The following TENM1 variants were observed in gnomAD, a reference collection of about 807,000 sequenced individuals.
TENM1 encodes teneurin-1.
In TENM1, 35 loss-of-function variants were observed where a neutral mutation model predicts 174.8. The ratio of observed to expected loss-of-function variants is 0.20; its 90% CI spans 0.15 to 0.27. The LOEUF is 0.27. TENM1 is among the 10% of genes least tolerant of loss of function. TENM1 has a pLI of 1.00. For synonymous variants in TENM1, 781 were observed against 798.7 expected (o/e 0.98, Z 0.37); for missense variants, 1,633 against 2,130.1 (o/e 0.77, Z 4.59).
chrX:124,737,530 A>G (rs1377083391), intron 3 of TENM1, among the ~76,000 whole-genome samples: 1 of 112,333 alleles, frequency 8.9e-6, no homozygotes, highest in Non-Finnish European at 1.9e-5. Flanking sequence ...GTTACAGAAC[A>G]GAAGTGAGCT....
the TENM1 span, among the ~76,000 whole-genome samples, chrX:125,010,523 A>T: frequency 9.0e-6 from 1 of 110,603 alleles, no homozygotes; most frequent in African/African-American, 3.3e-5. Context: ...ATTAGAAAAA[A>T]AAAAAAACAG....
intron 12 of TENM1, among the ~76,000 whole-genome samples, chrX:124,564,718 T>G (rs976388050): frequency 4.5e-5 from 5 of 112,275 alleles, no homozygotes; most frequent in Non-Finnish European, 7.5e-5. Context: ...TTTTAATATC[T>G]TTTATAGTGT....
chrX:124,659,603 A>AT (rs766549412), intron 6 of TENM1, among the ~76,000 whole-genome samples: 3,570 of 107,771 alleles, frequency 0.033, 144 homozygotes, highest in African/African-American at 0.11. Flanking sequence ...TCCAACTCTC[A>AT]TTTTTTTTTT....
At chrX:124,638,993 C>T (rs1463794757) in intron 11 of TENM1, among the ~76,000 whole-genome samples, 1 of 111,680 alleles carries the variant, frequency 9.0e-6, no homozygotes, top group Non-Finnish European at 1.9e-5. Flanking sequence ...CCATCATGCT[C>T]CTTGACTACT....
At chrX:124,496,070 T>C (rs2047195009) in intron 20 of TENM1, among the ~76,000 whole-genome samples, 2 of 105,470 alleles carry the variant, frequency 1.9e-5, no homozygotes, top group South Asian at 8.7e-4. Flanking sequence ...ACACCGCATA[T>C]CTACAACTAT....
At chrX:124,596,797 C>A (rs780077250) in intron 11 of TENM1, among the ~76,000 whole-genome samples, 91 of 110,677 alleles carry the variant, frequency 8.2e-4, no homozygotes, top group Non-Finnish European at 1.6e-3. Context: ...ATTGAAAAAC[C>A]CTGAAAGGTA....
intron 23 of TENM1, among the ~76,000 whole-genome samples, 197 bp downstream of exon 26, chrX:124,453,140 C>T (rs2061062963): frequency 8.9e-6 from 1 of 111,903 alleles, no homozygotes; most frequent in South Asian, 3.8e-4. Flanking sequence ...ACATTACTTC[C>T]ATCCTCGCTT....
chrX:125,112,433 A>G, the TENM1 span, among the ~76,000 whole-genome samples: 1 of 111,121 alleles, frequency 9.0e-6, no homozygotes, highest in Admixed American at 9.8e-5. Context: ...ATGTATAACA[A>G]ATAACATGTA....
In TENM1 at chrX:124,880,442, CTAAGTA is replaced by C. The variant is rs761657509; in HGVS notation, c.535+13848_535+13853del. Among the ~76,000 whole-genome samples the C allele has an allele frequency of 3.2e-3, 359 of 112,040 alleles. 1 individual carries two copies. The highest frequency in any genetic ancestry group is 0.011 in the African/African-American group (335 of 30,858). On this transcript the variant is annotated intron_variant, in intron 3 of 31. Transcript: ENST00000422452. ...TTTTTGTTGACGTCTTAAGGATTTT[CTAAGTA>C]TAAGATAATATCATCTGCAAAGACA... is the stretch of plus-strand genomic sequence containing the variant.
At chrX:124,574,985 A>G (rs1351734780) in intron 11 of TENM1, among the ~76,000 whole-genome samples, 1 of 112,228 alleles carries the variant, frequency 8.9e-6, no homozygotes, top group Non-Finnish European at 1.9e-5. Context: ...AGAAAGTAGG[A>G]CTACTATAAG....
the TENM1 span, among the ~76,000 whole-genome samples, chrX:125,182,756 A>G: frequency 3.6e-5 from 4 of 111,253 alleles, no homozygotes; most frequent in African/African-American, 9.8e-5. Context: ...GGCACACTGT[A>G]GAGACTTATA....
chrX:124,912,242 G>A (rs917661073), intron 1 of TENM1, among the ~76,000 whole-genome samples: 1 of 111,356 alleles, frequency 9.0e-6, no homozygotes, highest in Non-Finnish European at 1.9e-5. Flanking sequence ...TTCTTCCATC[G>A]AACTGAAATC....
chrX:125,144,173 A>G, the TENM1 span, among the ~76,000 whole-genome samples: 1 of 111,709 alleles, frequency 9.0e-6, no homozygotes, highest in Non-Finnish European at 1.9e-5. Flanking sequence ...CTCAATATTC[A>G]CATTGTATGC....
chrX:124,751,648 C>G (rs1182826242), intron 3 of TENM1, among the ~76,000 whole-genome samples: 1 of 75,200 alleles, frequency 1.3e-5, no homozygotes, highest in South Asian at 1.1e-3. Flanking sequence ...CCCCTCCCCC[C>G]ACCCCACAAC....
At chrX:125,064,669 ATCT>A in the TENM1 span, among the ~76,000 whole-genome samples, 1 of 110,805 alleles carries the variant, frequency 9.0e-6, no homozygotes, top group African/African-American at 3.3e-5. Flanking sequence ...CACCATAGAC[ATCT>A]TTTTTTTTTC....
chrX:124,830,422 C>T (rs1299045030), intron 3 of TENM1, among the ~76,000 whole-genome samples: 1 of 111,732 alleles, frequency 8.9e-6, no homozygotes, highest in African/African-American at 3.3e-5. Flanking sequence ...GTAGCAACGT[C>T]GTGCATTGAG....
At chrX:125,090,163 C>T in the TENM1 span, among the ~76,000 whole-genome samples, 1 of 111,642 alleles carries the variant, frequency 9.0e-6, no homozygotes, top group African/African-American at 3.3e-5. Flanking sequence ...TCAAATGAAA[C>T]CCGAGCTGCT....
chrX:124,598,599 G>A lies in TENM1; in HGVS notation c.2078-33039C>T, dbSNP rs970870202. Reference sequence around the variant, plus strand: ...CCTGTCATTTGCAAGAACATGGAGGGAACTGGAGATCATTATGATAAGTGA... The same window carrying A: ...CCTGTCATTTGCAAGAACATGGAGGAAACTGGAGATCATTATGATAAGTGA... On this transcript the variant is annotated intron_variant, in intron 11 of 31. Coordinates refer to ENST00000422452, the Ensembl canonical transcript of TENM1. Among the ~76,000 whole-genome samples, 3 of 111,866 alleles carry A rather than the reference G, an allele frequency of 2.7e-5. No individual in the cohort carries two copies. The Admixed American group carries it at 2.8e-4, about 11-fold the overall frequency.
the TENM1 span, among the ~76,000 whole-genome samples, chrX:125,185,824 G>A: frequency 8.9e-6 from 1 of 112,321 alleles, no homozygotes; most frequent in African/African-American, 3.2e-5. Flanking sequence ...AAGTGGAGAT[G>A]AGGGTTGTGA....
Sources: allele counts gnomAD v4.1 joint callset (sites outside exome capture counted in the v4.1 genomes callset), GRCh38; gene constraint gnomAD v4.1.1; transcripts MANE v1.5; gene names NCBI Gene and HGNC (gene_info 2026-07-23, HGNC 2026-07-21).